Variants in SLC43A2 observed in about 807,000 individuals in gnomAD.
SLC43A2 encodes large neutral amino acids transporter small subunit 4.
A neutral mutation model predicts 63.2 loss-of-function variants in SLC43A2; 38 were observed. That is an observed-to-expected ratio of 0.60 (90% CI 0.46 to 0.79). SLC43A2 has a LOEUF of 0.79. Among genes scored for constraint, SLC43A2 ranks in the 30% least tolerant of loss-of-function variants. The probability of loss-of-function intolerance (pLI) is 0.00; values close to 1 mark genes in which losing one functional copy is unlikely to be tolerated. For missense variants in SLC43A2, 644 were observed against 756.2 expected (o/e 0.85, Z 1.74); for synonymous variants, 322 against 331.0 (o/e 0.97, Z 0.30).
rs1001819054 is a variant in SLC43A2, at chr17:1,577,943, G to A, written c.1424+307C>T. On this transcript the variant is annotated intron_variant, in intron 12 of 13. Coordinates refer to ENST00000301335, the MANE Select transcript of SLC43A2 (RefSeq NM_152346.3). The surrounding 1 kb of genome is among the most constrained non-coding windows in gnomAD (Gnocchi z 4.9). Reference sequence around the variant, plus strand: ...GCAGCCAGGGCCAGCCCCAGGACTCGGCTGTAGTGGCCCCTGAGGCCATAA... The same window carrying A: ...GCAGCCAGGGCCAGCCCCAGGACTCAGCTGTAGTGGCCCCTGAGGCCATAA... 6.6e-6 allele frequency among the ~76,000 whole-genome samples: 1 copy of A among 152,192 alleles called. No homozygotes were observed. Among genetic ancestry groups the A allele is most frequent in the Non-Finnish European group, 1.5e-5 (1 of 68,042 alleles).
Position 1,593,354 on chromosome 17 carries a change from T to A in SLC43A2, c.502-75A>T. 7.3e-7 allele frequency: 1 copy of A among 1,368,510 alleles called. No individual in the cohort carries two copies. Among genetic ancestry groups the A allele is most frequent in the South Asian group, 1.2e-5 (1 of 82,624 alleles). The allele number at this position is 1,368,510 out of a possible 1,614,324, so 84.8% of individuals were successfully genotyped here. ...AGGGGAGGAGGAGGGGACAGAGAAC[T>A]AGGCCCCATGAGGCCCCTTCTTCAC... On this transcript the variant is annotated intron_variant, in intron 5 of 13. Transcript: ENST00000301335. This position sits in a 1 kb window ranked among gnomAD's most constrained non-coding sequence, Gnocchi z 5.3.
intron 5 of SLC43A2, among the ~76,000 whole-genome samples, chr17:1,607,917 T>C (rs1407778154): frequency 6.6e-6 from 1 of 152,152 alleles, no homozygotes; most frequent in African/African-American, 2.4e-5. Context: ...GGTTTCACCA[T>C]GTTGGCCAGC....
At chr17:1,579,656 C>T (rs901212665) in intron 11 of SLC43A2, among the ~76,000 whole-genome samples, 1 of 151,718 alleles carries the variant, frequency 6.6e-6, no homozygotes, top group Non-Finnish European at 1.5e-5. Context: ...GGCAACATGT[C>T]AAGACCCCAT....
chr17:1,604,524 C>T, intron 5 of SLC43A2: 2 of 593,530 alleles, frequency 3.4e-6, no homozygotes, highest in South Asian at 4.3e-5. Context: ...GGTCCCTCAC[C>T]CCCCGGAGGT....
intron 9 of SLC43A2, chr17:1,586,866 T>C (rs947512361): frequency 6.9e-7 from 1 of 1,456,128 alleles, no homozygotes; most frequent in Non-Finnish European, 9.2e-7. Flanking sequence ...GAGCTTGAGG[T>C]GAGGAGCTTC....
chr17:1,627,646 G>T (rs1332903796), intron 2 of SLC43A2, 69 bp downstream of exon 2: 4 of 733,248 alleles, frequency 5.5e-6, no homozygotes, highest in South Asian at 4.1e-5. Flanking sequence ...CTAGGTCTTC[G>T]CCCCCATCCC....
chr17:1,598,185 G>A (rs1370240417), intron 5 of SLC43A2, among the ~76,000 whole-genome samples: 7 of 152,234 alleles, frequency 4.6e-5, no homozygotes, highest in South Asian at 2.1e-4. Flanking sequence ...CGCTTTGGGA[G>A]GCCGAGGCAG....
chr17:1,614,107 G>A (rs1311676414), intron 4 of SLC43A2, among the ~76,000 whole-genome samples: 2 of 152,156 alleles, frequency 1.3e-5, no homozygotes, highest in Non-Finnish European at 1.5e-5. Context: ...GCCAGGCGTG[G>A]TGGCGGGTGC....
At chr17:1,615,589 A>G (rs1907526051) in intron 3 of SLC43A2, among the ~76,000 whole-genome samples, 1 of 150,760 alleles carries the variant, frequency 6.6e-6, no homozygotes, top group Non-Finnish European at 1.5e-5. Context: ...CACGCCTGTA[A>G]TCCCAGCACT....
At chr17:1,592,707 C>T (rs573215325) in intron 6 of SLC43A2, among the ~76,000 whole-genome samples, 1 of 152,224 alleles carries the variant, frequency 6.6e-6, no homozygotes, top group South Asian at 2.1e-4. Flanking sequence ...GGCTGATGGA[C>T]TGTGAGGTGT....
chr17:1,591,928 C>T (rs897751112), intron 6 of SLC43A2, among the ~76,000 whole-genome samples: 2 of 152,202 alleles, frequency 1.3e-5, no homozygotes, highest in Non-Finnish European at 2.9e-5. Context: ...GTGATTAGCC[C>T]CCCGACTCGG....
At chr17:1,600,549 CTTTTT>C (rs398030152) in intron 5 of SLC43A2, among the ~76,000 whole-genome samples, 2 of 73,762 alleles carry the variant, frequency 2.7e-5, no homozygotes, top group Non-Finnish European at 2.5e-5. Flanking sequence ...TTTCTTTCCT[CTTTTT>C]TTTTTTTTTT....
rs962090417 is a variant in SLC43A2 at position 1,605,922 on chromosome 17, C to A, written c.501+7273G>T. On this transcript the variant is annotated intron_variant, in intron 5 of 13. Transcript: ENST00000301335. The surrounding 1 kb of genome is among the most constrained non-coding windows in gnomAD (Gnocchi z 4.9). ...CTGTGCCTTCCCGGCCGGGTCCAGT[C>A]CTGCCAATACCGCTGCCCTTTCCGT... is the stretch of plus-strand genomic sequence containing the variant. Among the ~76,000 whole-genome samples, 6 of 152,312 alleles carry A rather than the reference C, an allele frequency of 3.9e-5. No individual in the cohort carries two copies. The highest frequency in any genetic ancestry group is 3.3e-4 in the Admixed American group (5 of 15,304).
chr17:1,580,278 C>T (rs887895705), intron 11 of SLC43A2, among the ~76,000 whole-genome samples: 2 of 152,232 alleles, frequency 1.3e-5, no homozygotes, highest in South Asian at 4.1e-4. Flanking sequence ...GTTCCACAGT[C>T]AGTGGCAACA....
chr17:1,612,833 G>A (rs1351686386), intron 5 of SLC43A2, among the ~76,000 whole-genome samples: 1 of 152,224 alleles, frequency 6.6e-6, no homozygotes, highest in Admixed American at 6.5e-5. Context: ...TTAGCCGGGT[G>A]TGGTGGCGCA....
chr17:1,613,354 G>A (rs1408915409), intron 4 of SLC43A2, 83 bp from the exon 5 acceptor site: 6 of 1,253,806 alleles, frequency 4.8e-6, no homozygotes, highest in East Asian at 2.3e-5. Flanking sequence ...CCTGCGCGGT[G>A]CAGGCTCCCA....
intron 9 of SLC43A2, among the ~76,000 whole-genome samples, chr17:1,586,677 A>G (rs1453263535): frequency 6.6e-6 from 1 of 152,020 alleles, no homozygotes; most frequent in East Asian, 1.9e-4. Flanking sequence ...TGGGCAACAG[A>G]GCAAGACTCC....
chr17:1,614,977 A>G lies in SLC43A2; in HGVS notation c.424+2T>C, dbSNP rs1207726698. On this transcript the variant is annotated splice_donor_variant, in intron 4 of 13. Coordinates refer to ENST00000301335, the MANE Select transcript of SLC43A2 (RefSeq NM_152346.3). LOFTEE classifies it high-confidence loss of function. ...CAGAAGATGGAGGGAGAGGACACTC[A>G]CCGTTTGGTTTACTTGCTCCGTACG... The G allele has an allele frequency of 2.5e-6, 4 of 1,613,870 alleles. No homozygotes were observed. The highest frequency in any genetic ancestry group is 3.4e-6 in the Non-Finnish European group (4 of 1,179,918).
At chr17:1,614,937 C>G in intron 4 of SLC43A2, 42 bp downstream of exon 4, 1 of 1,606,074 alleles carries the variant, frequency 6.2e-7, no homozygotes, top group Non-Finnish European at 8.5e-7. Flanking sequence ...AGGGCACTCT[C>G]TCCCCGGTCC....
Sources: gnomAD v4.1 joint callset for allele counts (sites outside exome capture counted in the v4.1 genomes callset) on GRCh38, gnomAD v4.1.1 for gene constraint, Gnocchi (gnomAD v3.1) non-coding constraint, MANE v1.5 for transcripts, NCBI Gene and HGNC (gene_info 2026-07-23, HGNC 2026-07-21) for gene names.